Variants in COL4A2 observed in about 807,000 individuals in gnomAD.
COL4A2 encodes collagen type IV alpha 2 chain.
In COL4A2, 99 loss-of-function variants were observed where a neutral mutation model predicts 200.2. That is an observed-to-expected ratio of 0.49 (90% confidence interval 0.42 to 0.58). COL4A2 has a LOEUF of 0.58. COL4A2 is among the 20% of genes least tolerant of loss of function. COL4A2 has a pLI of 0.00. For synonymous variants in COL4A2, 897 were observed against 900.6 expected (o/e 1.00, Z 0.07); for missense variants, 1,950 against 2,314.1 (o/e 0.84, Z 3.23).
rs544610936 is a variant in COL4A2 at position 110,414,322 on chromosome 13, GA to G, written c.181-10405del. Among the ~76,000 whole-genome samples the G allele has an allele frequency of 3.8e-3, 574 of 152,138 alleles. 5 individuals are homozygous for G. Among genetic ancestry groups the G allele is most frequent in the African/African-American group, 0.013 (539 of 41,518 alleles). ...CCATCTCACATGAAAAAATTAAAAA[GA>G]AAAAAACAAGGAAAAAGAAAAATAC... On this transcript the variant is annotated intron_variant, in intron 4 of 47. Coordinates refer to ENST00000360467, the MANE Select transcript of COL4A2 (RefSeq NM_001846.4).
chr13:110,413,486 C>T (rs1781630129), intron 4 of COL4A2, among the ~76,000 whole-genome samples: 1 of 152,364 alleles, frequency 6.6e-6, no homozygotes, highest in South Asian at 2.1e-4. Context: ...AGAGCCCATG[C>T]TTGAGTCACA....
Position 110,383,606 on chromosome 13 carries a change from C to CTT in COL4A2, c.180+26080_180+26081dup, listed in dbSNP as rs67906394. 7.9e-3 allele frequency among the ~76,000 whole-genome samples: 518 copies of CTT among 65,366 alleles called. 57 individuals carry two copies. Among genetic ancestry groups the CTT allele is most frequent in the East Asian group, 0.042 (83 of 1,968 alleles). The allele number at this position is 65,366 out of a possible 152,430, so 42.9% of individuals were successfully genotyped here. A position where few individuals can be genotyped will look rare whatever the true frequency, so the allele number is the denominator to read the frequency against. On this transcript the variant is annotated intron_variant, in intron 4 of 47. Transcript: ENST00000360467. The stretch of plus-strand genomic sequence containing the variant: ...GTGGTTATTTTGTGTCAGCCCTTTT[C>CTT]TTTTTTTTTTTTTTTTTTTTTTTTT...
chr13:110,370,333 G>A (rs192053978), intron 4 of COL4A2, among the ~76,000 whole-genome samples: 17 of 151,986 alleles, frequency 1.1e-4, no homozygotes, highest in Non-Finnish European at 1.9e-4. Flanking sequence ...TAGCAATCTC[G>A]ACTCAATGCA....
Position 110,484,017 on chromosome 13 carries a change from CA to C in COL4A2, c.2903-887del, listed in dbSNP as rs11303403. On this transcript the variant is annotated intron_variant, in intron 32 of 47. Coordinates refer to ENST00000360467, the MANE Select transcript of COL4A2 (RefSeq NM_001846.4). ...AATAAAAATTGCAATCTAGGGTGCT[CA>C]TTTTTTTTAAGATTTTTACTCACAC... Among the ~76,000 whole-genome samples, 1,518 of 151,884 alleles carry C rather than the reference CA, an allele frequency of 1.0e-2. 31 individuals are homozygous for C. Among genetic ancestry groups the C allele is most frequent in the African/African-American group, 0.035 (1,444 of 41,394 alleles).
At chr13:110,482,708 C>A (rs941669828) in intron 32 of COL4A2, 49 bp downstream of exon 32, 2 of 1,574,966 alleles carry the variant, frequency 1.3e-6, no homozygotes, top group African/African-American at 2.7e-5. Flanking sequence ...GTGGCATCCT[C>A]CTTACCCTTT....
chr13:110,478,953 C>T (rs1263914499), intron 30 of COL4A2, among the ~76,000 whole-genome samples: 1 of 152,224 alleles, frequency 6.6e-6, no homozygotes, highest in East Asian at 1.9e-4. Flanking sequence ...AGGACCTTAG[C>T]AGATCTTGGT....
chr13:110,433,470 G>A (rs1407010568), intron 11 of COL4A2, among the ~76,000 whole-genome samples: 1 of 152,222 alleles, frequency 6.6e-6, no homozygotes, highest in Non-Finnish European at 1.5e-5. Flanking sequence ...CACACAAATT[G>A]CATTCTAATC....
At chr13:110,464,116 T>TA (rs1045736661) in intron 24 of COL4A2, among the ~76,000 whole-genome samples, 31 of 152,248 alleles carry the variant, frequency 2.0e-4, no homozygotes, top group African/African-American at 7.5e-4. Context: ...CTGGATTTGT[T>TA]ACGGTAGTGG....
chr13:110,446,777 TTTTCTC>T lies in COL4A2; in HGVS notation c.1012-17_1012-12del. 1 of 1,605,624 alleles carries T rather than the reference TTTTCTC, an allele frequency of 6.2e-7. No individual in the cohort carries two copies. The highest frequency in any genetic ancestry group is 8.5e-7 in the Non-Finnish European group (1 of 1,173,126). On this transcript the variant is annotated splice_polypyrimidine_tract_variant and intron_variant, in intron 17 of 47. Coordinates refer to ENST00000360467, the MANE Select transcript of COL4A2 (RefSeq NM_001846.4). ...CCAAAAGGCTATTCTCACATCCTGT[TTTTCTC>T]TTTTCTTTCTCTAGGGAGAAGCCGG...
intron 3 of COL4A2, among the ~76,000 whole-genome samples, chr13:110,343,141 G>A (rs1256102336): frequency 6.6e-6 from 1 of 152,190 alleles, no homozygotes; most frequent in African/African-American, 2.4e-5. Flanking sequence ...GACTGTGTGT[G>A]TGGTCTCTGA....
intron 4 of COL4A2, among the ~76,000 whole-genome samples, chr13:110,383,618 T>TC (rs1878577322): frequency 7.1e-6 from 1 of 140,788 alleles, no homozygotes; most frequent in South Asian, 2.4e-4. Context: ...TTTTTTTTTT[T>TC]TTTTTTTTTT....
In COL4A2 at chr13:110,430,569, G is replaced by C; in HGVS notation, c.610G>C (p.Val204Leu). 1 of 1,614,234 alleles carries C rather than the reference G, an allele frequency of 6.2e-7. No individual in the cohort carries two copies. Reference sequence around the variant, plus strand: ...GGGACCTCCCGGCCGCCCTGGGCATGTGGGACAGATGGGTCCAGTTGGAGC... The same window carrying C: ...GGGACCTCCCGGCCGCCCTGGGCATCTGGGACAGATGGGTCCAGTTGGAGC... ...FQGPPGRPGHVGQMGPVGAPG... is the reference protein window; with the variant it reads ...FQGPPGRPGHLGQMGPVGAPG... The change falls in exon 10 of 48, where the codon GTG becomes CTG. Residue 204 changes from valine to leucine, a missense_variant. Around this residue, in one of 2 missense-constraint regions of COL4A2, gnomAD observed 565 missense variants for 593.5 expected, o/e 0.95. Transcript: ENST00000360467.
intron 11 of COL4A2, 104 bp downstream of exon 11, chr13:110,432,464 GT>G: frequency 7.4e-7 from 1 of 1,358,162 alleles, no homozygotes; most frequent in Non-Finnish European, 9.7e-7. Context: ...ACTATTTATT[GT>G]TTATATTATG....
intron 45 of COL4A2, among the ~76,000 whole-genome samples, chr13:110,505,854 C>T (rs1011554768): frequency 3.9e-5 from 6 of 152,154 alleles, no homozygotes; most frequent in East Asian, 1.9e-4. Flanking sequence ...ACACTTCCAA[C>T]GCCAGGCACG....
Position 110,424,935 on chromosome 13 carries a change from C to CA in COL4A2, c.316-17dup, listed in dbSNP as rs201980714. 2,207 of 1,614,218 alleles carry CA rather than the reference C, an allele frequency of 1.4e-3. 21 individuals carry two copies. In the Admixed American group the frequency reaches 0.02, roughly 14 times the overall value. ...CGGGTATCTCAGCCTTGGTTAATTG[C>CA]ATTTGCTTTCTTCATAGGGAGCAAG... On this transcript the variant is annotated splice_polypyrimidine_tract_variant and intron_variant, in intron 5 of 47. Transcript: ENST00000360467.
intron 28 of COL4A2, among the ~76,000 whole-genome samples, chr13:110,471,201 T>A (rs1432884642): frequency 6.6e-6 from 1 of 152,198 alleles, no homozygotes; most frequent in Non-Finnish European, 1.5e-5. Flanking sequence ...GTGATTGGAG[T>A]GCCCAGCCAT....
intron 40 of COL4A2, among the ~76,000 whole-genome samples, chr13:110,498,712 G>T (rs1380872697): frequency 1.3e-5 from 2 of 152,222 alleles, no homozygotes; most frequent in African/African-American, 4.8e-5. Context: ...GAAATTGTAG[G>T]ATAATTTTCT....
intron 37 of COL4A2, 65 bp downstream of exon 37, chr13:110,491,405 C>G: frequency 8.9e-7 from 1 of 1,119,780 alleles, no homozygotes; most frequent in South Asian, 1.3e-5. Context: ...AGAACAAAGG[C>G]GGTCAACATT....
At chr13:110,485,953 C>A in intron 34 of COL4A2, 117 bp downstream of exon 34, 1 of 1,475,070 alleles carries the variant, frequency 6.8e-7, no homozygotes, top group Non-Finnish European at 9.0e-7. Context: ...AGGTTCAGGG[C>A]AGCCTCAGGC....
Sources: gnomAD v4.1 joint callset for allele counts (sites outside exome capture counted in the v4.1 genomes callset) on GRCh38, gnomAD v4.1.1 for gene constraint, gnomAD v4.1.1 regional missense constraint, MANE v1.5 for transcripts, NCBI Gene and HGNC (gene_info 2026-07-23, HGNC 2026-07-21) for gene names.